CSMD1: variants seen among roughly 807,000 people sequenced by gnomAD.
CSMD1 encodes CUB and sushi domain-containing protein 1.
A neutral mutation model predicts 417.5 loss-of-function variants in CSMD1; 213 were observed. The observed-to-expected ratio is 0.51, with a 90% CI of 0.46 to 0.57. The LOEUF (loss-of-function observed/expected upper bound fraction) is 0.57. Ranked by LOEUF, CSMD1 falls within the 20% of genes least tolerant of loss-of-function variation. The pLI, the probability that CSMD1 is intolerant of heterozygous loss-of-function variation, is 0.00. For missense variants in CSMD1, 6,923 were observed against 4,529.7 expected (o/e 1.53, Z -15.17); for synonymous variants, 2,862 against 1,736.8 (o/e 1.65, Z -16.11).
chr8:4,634,064 G>T (rs184118832), intron 2 of CSMD1, among the ~76,000 whole-genome samples: 16 of 148,970 alleles, frequency 1.1e-4, no homozygotes, highest in African/African-American at 3.5e-4. Flanking sequence ...TTTTCATTTT[G>T]AATTTTGAGT....
chr8:3,759,465 G>C (rs766820974), intron 5 of CSMD1, among the ~76,000 whole-genome samples: 35 of 152,250 alleles, frequency 2.3e-4, no homozygotes, highest in Non-Finnish European at 4.6e-4. Flanking sequence ...TTCTACAGCT[G>C]TTAGCCACAC....
intron 3 of CSMD1, among the ~76,000 whole-genome samples, chr8:4,356,797 C>G (rs936751649): frequency 6.6e-6 from 1 of 152,178 alleles, no homozygotes; most frequent in African/African-American, 2.4e-5. Context: ...CTTGCAGGCC[C>G]AGCCCCTGAC....
chr8:3,694,317 GC>G (rs1800427591), intron 7 of CSMD1, among the ~76,000 whole-genome samples: 2 of 152,184 alleles, frequency 1.3e-5, no homozygotes, highest in Admixed American at 1.3e-4. Context: ...CAGGAGCACA[GC>G]AGCATGACTG....
chr8:3,458,549 ATTAC>A (rs1271704423), intron 12 of CSMD1, among the ~76,000 whole-genome samples: 1 of 152,206 alleles, frequency 6.6e-6, no homozygotes, highest in Non-Finnish European at 1.5e-5. Flanking sequence ...GTTTGTTGTT[ATTAC>A]TTGTTTGTTT....
chr8:3,297,641 C>A (rs1184542206), intron 25 of CSMD1, among the ~76,000 whole-genome samples: 1 of 152,076 alleles, frequency 6.6e-6, no homozygotes, highest in East Asian at 1.9e-4. Context: ...CCATACTGTA[C>A]ACAAAAATTT....
At chr8:3,816,533 G>T (rs550541998) in intron 5 of CSMD1, among the ~76,000 whole-genome samples, 191 of 152,182 alleles carry the variant, frequency 1.3e-3, no homozygotes, top group South Asian at 9.5e-3. Flanking sequence ...TAGTTAATAA[G>T]TACAAATATA....
intron 5 of CSMD1, among the ~76,000 whole-genome samples, chr8:3,950,873 T>C (rs1238927088): frequency 1.3e-5 from 2 of 152,202 alleles, no homozygotes; most frequent in South Asian, 2.1e-4. Flanking sequence ...AATTTCATTT[T>C]ATTTCTCTTT....
chr8:3,114,189 A>T (rs1254864935), intron 42 of CSMD1, among the ~76,000 whole-genome samples: 1 of 152,194 alleles, frequency 6.6e-6, no homozygotes, highest in Non-Finnish European at 1.5e-5. Flanking sequence ...GGCTACAGTG[A>T]GCAGTGATTG....
intron 3 of CSMD1, among the ~76,000 whole-genome samples, chr8:4,211,746 G>A (rs1027266414): frequency 2.6e-5 from 4 of 152,156 alleles, no homozygotes; most frequent in East Asian, 1.9e-4. Flanking sequence ...AAAGAGCCCT[G>A]CAAATGTCAA....
intron 3 of CSMD1, among the ~76,000 whole-genome samples, chr8:4,126,835 AG>A (rs1348147955): frequency 1.3e-5 from 2 of 152,110 alleles, no homozygotes; most frequent in Non-Finnish European, 2.9e-5. Context: ...GTCCAGGACA[AG>A]TAAAGTGGAT....
intron 3 of CSMD1, among the ~76,000 whole-genome samples, chr8:4,042,870 A>C (rs1330142190): frequency 7.1e-6 from 1 of 141,032 alleles, no homozygotes; most frequent in African/African-American, 2.6e-5. Context: ...GCTCATGCCT[A>C]TAATCCCAGT....
intron 1 of CSMD1, among the ~76,000 whole-genome samples, chr8:4,751,276 T>C (rs1008202849): frequency 1.3e-5 from 2 of 151,992 alleles, no homozygotes; most frequent in African/African-American, 4.8e-5. Flanking sequence ...TCCCAGCTAC[T>C]TGGGAGGCTG....
intron 10 of CSMD1, among the ~76,000 whole-genome samples, chr8:3,514,524 A>C (rs1441899386): frequency 6.6e-6 from 1 of 152,220 alleles, no homozygotes; most frequent in Non-Finnish European, 1.5e-5. Context: ...ACAATCACTT[A>C]AAAGTAATGT....
chr8:4,306,606 C>G (rs1038835222), intron 3 of CSMD1, among the ~76,000 whole-genome samples: 1 of 152,108 alleles, frequency 6.6e-6, no homozygotes, highest in Non-Finnish European at 1.5e-5. Flanking sequence ...TGCTTTCCTT[C>G]TTGGCCTCTT....
intron 49 of CSMD1, among the ~76,000 whole-genome samples, chr8:3,079,240 G>A (rs41336350): frequency 0.022 from 3,404 of 152,232 alleles, 50 homozygotes; most frequent in Middle Eastern, 0.048. Context: ...GAGCTATATG[G>A]ACTGTGTGGA....
At chr8:3,902,143 T>A (rs912734909) in intron 5 of CSMD1, among the ~76,000 whole-genome samples, 2 of 152,164 alleles carry the variant, frequency 1.3e-5, no homozygotes, top group African/African-American at 4.8e-5. Flanking sequence ...AACACAACAA[T>A]CTTCAAGCAC....
chr8:4,210,189 G>A (rs902157218), intron 3 of CSMD1, among the ~76,000 whole-genome samples: 2 of 152,208 alleles, frequency 1.3e-5, no homozygotes, highest in Admixed American at 6.5e-5. Context: ...ATCTGTGGGA[G>A]CTCCTTCACT....
At chr8:4,904,480 T>TA (rs1462417614) in intron 1 of CSMD1, among the ~76,000 whole-genome samples, 1 of 152,178 alleles carries the variant, frequency 6.6e-6, no homozygotes, top group African/African-American at 2.4e-5. Context: ...AAACAGCTGG[T>TA]AGGGCTCAAT....
chr8:4,627,832 G>C (rs1381099915), intron 2 of CSMD1, among the ~76,000 whole-genome samples: 2 of 152,098 alleles, frequency 1.3e-5, no homozygotes, highest in Non-Finnish European at 2.9e-5. Flanking sequence ...GACAATTCTA[G>C]ATATTGCTAT....
Sources: gnomAD v4.1 joint callset for allele counts (sites outside exome capture counted in the v4.1 genomes callset) on GRCh38, gnomAD v4.1.1 for gene constraint, MANE v1.5 for transcripts, NCBI Gene and HGNC (gene_info 2026-07-23, HGNC 2026-07-21) for gene names.